Variants in PIEZO2 observed in about 807,000 individuals in gnomAD.
PIEZO2 encodes the protein piezo type mechanosensitive ion channel component 2.
In PIEZO2, 172 loss-of-function variants were observed where a neutral mutation model predicts 337.3. The ratio of observed to expected loss-of-function variants is 0.51; its 90% CI spans 0.45 to 0.58. The LOEUF (loss-of-function observed/expected upper bound fraction) is 0.58, where lower values mean the gene tolerates loss of function less well. Among genes scored for constraint, PIEZO2 ranks in the 20% least tolerant of loss-of-function variants. PIEZO2 has a pLI of 0.00. For synonymous variants in PIEZO2, 1,251 were observed against 1,228.5 expected (o/e 1.02, Z -0.38); for missense variants, 3,028 against 3,391.3 (o/e 0.89, Z 2.66).
chr18:10,801,298 G>T, intron 10 of PIEZO2, 92 bp downstream of exon 10: 2 of 1,118,790 alleles, frequency 1.8e-6, no homozygotes, highest in Non-Finnish European at 2.5e-6. Flanking sequence ...AATTTTAATA[G>T]ATCATTAAAA....
intron 2 of PIEZO2, among the ~76,000 whole-genome samples, chr18:11,051,362 TGTGTGTGG>T (rs1370719989): frequency 1.7e-4 from 26 of 151,514 alleles, no homozygotes; most frequent in Middle Eastern, 3.4e-3. Flanking sequence ...TGTGTGTGTG[TGTGTGTGG>T]GTGTGGGTGT....
Position 10,779,313 on chromosome 18 carries a change from T to C in PIEZO2, c.2534+1012A>G, listed in dbSNP as rs113265670. Among the ~76,000 whole-genome samples the C allele has an allele frequency of 8.3e-4, 126 of 152,372 alleles. 3 individuals carry two copies. The highest frequency in any genetic ancestry group is 2.9e-3 in the African/African-American group (119 of 41,584). On this transcript the variant is annotated intron_variant, in intron 18 of 55. Transcript: ENST00000674853. The stretch of plus-strand genomic sequence containing the variant: ...TTTGTTAATTGGATTTATTGCAAGA[T>C]ATATTTCTCTTACTAAATTACTAGC...
intron 33 of PIEZO2, chr18:10,737,803 T>A (rs2037068124): frequency 6.6e-6 from 1 of 152,242 alleles, no homozygotes; most frequent in Non-Finnish European, 1.5e-5. Flanking sequence ...ATTTTCAAAT[T>A]ATATTCAGGT....
intron 1 of PIEZO2, among the ~76,000 whole-genome samples, chr18:11,107,167 T>C (rs933255314): frequency 6.6e-6 from 1 of 152,142 alleles, no homozygotes; most frequent in South Asian, 2.1e-4. Context: ...TCTATAGAAA[T>C]GGTGCACATC....
rs1042475021 is a variant in PIEZO2 at position 11,104,661 on chromosome 18, C to T, written c.65-38439G>A. On this transcript the variant is annotated intron_variant, in intron 1 of 55. Coordinates refer to ENST00000674853, the MANE Select transcript of PIEZO2 (RefSeq NM_001378183.1). The surrounding 1 kb of genome is among the most constrained non-coding windows in gnomAD (Gnocchi z 4.6). ...CAGGGACAGCAGCTTTCTCAGCCTA[C>T]CTACAACAAAGAGGTCTGTGGCCCG... 3.3e-5 allele frequency among the ~76,000 whole-genome samples: 5 copies of T among 152,230 alleles called. No individual in the cohort carries two copies. Among genetic ancestry groups the T allele is most frequent in the Non-Finnish European group, 7.3e-5 (5 of 68,036 alleles).
intron 42 of PIEZO2, among the ~76,000 whole-genome samples, chr18:10,703,778 A>G (rs755387180): frequency 2.0e-5 from 3 of 152,196 alleles, no homozygotes; most frequent in Non-Finnish European, 4.4e-5. Context: ...GAGTGAGCAG[A>G]AGGCTCCTCA....
chr18:11,054,425 G>A (rs1242633342), intron 2 of PIEZO2, among the ~76,000 whole-genome samples: 1 of 152,192 alleles, frequency 6.6e-6, no homozygotes, highest in Non-Finnish European at 1.5e-5. Flanking sequence ...ACTAGAGTTA[G>A]TTTCATACGT....
chr18:10,719,633 C>T (rs1267614957), intron 36 of PIEZO2, among the ~76,000 whole-genome samples: 2 of 152,150 alleles, frequency 1.3e-5, no homozygotes. Flanking sequence ...CATATTTATG[C>T]TATTGTGAAT....
At position 10,726,394 on chromosome 18, in the gene PIEZO2, A is replaced by G; in HGVS notation, c.5029+5013T>C. On this transcript the variant is annotated intron_variant, in intron 36 of 55. Transcript: ENST00000674853. This position sits in a 1 kb window ranked among gnomAD's most constrained non-coding sequence, Gnocchi z 5.9. ...ACCCACTACCTGCGGGGCGGTAACA[A>G]CGCGCGCCAGCCGTGGCACAACGCG... The G allele has an allele frequency of 6.6e-7, 1 of 1,525,084 alleles. No individual in the cohort carries two copies. Among genetic ancestry groups the G allele is most frequent in the Admixed American group, 2.0e-5 (1 of 50,072 alleles). The allele number at this position is 1,525,084 out of a possible 1,614,324, so 94.5% of individuals were successfully genotyped here.
At chr18:10,842,627 C>T (rs1397071441) in intron 7 of PIEZO2, among the ~76,000 whole-genome samples, 3 of 152,200 alleles carry the variant, frequency 2.0e-5, no homozygotes, top group Admixed American at 1.3e-4. Flanking sequence ...TCTTGTACAG[C>T]CGGCAGAACT....
intron 18 of PIEZO2, among the ~76,000 whole-genome samples, chr18:10,776,714 A>G (rs1031029037): frequency 6.6e-6 from 1 of 152,228 alleles, no homozygotes; most frequent in African/African-American, 2.4e-5. Flanking sequence ...GGTTCTGCAC[A>G]AATGCAAGCT....
intron 17 of PIEZO2, among the ~76,000 whole-genome samples, chr18:10,780,741 C>T (rs1389358956): frequency 6.8e-6 from 1 of 146,990 alleles, no homozygotes. Flanking sequence ...TAGCTCATGG[C>T]AGCCTCCGCC....
At chr18:10,957,764 A>G (rs1184987789) in intron 3 of PIEZO2, among the ~76,000 whole-genome samples, 1 of 152,226 alleles carries the variant, frequency 6.6e-6, no homozygotes, top group Non-Finnish European at 1.5e-5. Context: ...TGCAAATCAT[A>G]CATCTGAAAA....
Position 10,784,660 on chromosome 18 carries a change from C to T in PIEZO2, c.2492+124G>A. On this transcript the variant is annotated intron_variant, in intron 17 of 55. Transcript: ENST00000674853. This position sits in a 1 kb window ranked among gnomAD's most constrained non-coding sequence, Gnocchi z 4.5. Reference sequence around the variant, plus strand: ...TTCCTCTTTTTCTCACAAGCTGATACTCATGGAAAATTCAAGGCTGAAACT... The same window carrying T: ...TTCCTCTTTTTCTCACAAGCTGATATTCATGGAAAATTCAAGGCTGAAACT... 4.3e-6 allele frequency: 4 copies of T among 926,572 alleles called. No homozygotes were observed. The highest frequency in any genetic ancestry group is 6.2e-6 in the Non-Finnish European group (4 of 646,142). The allele number at this position is 926,572 out of a possible 1,614,324, so 57.4% of individuals were successfully genotyped here.
chr18:10,786,896 C>T (rs1384026046), intron 16 of PIEZO2, 140 bp downstream of exon 16: 3 of 842,888 alleles, frequency 3.6e-6, no homozygotes, highest in African/African-American at 3.5e-5. Context: ...ACAAAAACGA[C>T]TCAGTTTTAA....
In PIEZO2 at chr18:11,111,730, A is replaced by C. The variant is rs2039743769; in HGVS notation, c.64+36795T>G. ...AACTGACACCGTCACACCCTCGGGG[A>C]ATCCGTAGCCAGGCACCAGTCTGCA... is the stretch of plus-strand genomic sequence containing the variant. On this transcript the variant is annotated intron_variant, in intron 1 of 55. Coordinates refer to ENST00000674853, the MANE Select transcript of PIEZO2 (RefSeq NM_001378183.1). This position sits in a 1 kb window ranked among gnomAD's most constrained non-coding sequence, Gnocchi z 6.2. Among the ~76,000 whole-genome samples, 1 of 152,242 alleles carries C rather than the reference A, an allele frequency of 6.6e-6. No homozygotes were observed. The highest frequency in any genetic ancestry group is 2.4e-5 in the African/African-American group (1 of 41,464).
intron 3 of PIEZO2, among the ~76,000 whole-genome samples, chr18:10,972,733 C>T (rs1000521723): frequency 5.9e-5 from 9 of 152,106 alleles, no homozygotes; most frequent in South Asian, 2.1e-4. Context: ...TGTGACTGTG[C>T]GTAATTTGGA....
At chr18:10,702,751 G>A (rs549174404) in intron 42 of PIEZO2, among the ~76,000 whole-genome samples, 3 of 152,330 alleles carry the variant, frequency 2.0e-5, no homozygotes, top group Admixed American at 6.5e-5. Flanking sequence ...CTGACACGGG[G>A]TTTGTATGAT....
chr18:10,800,001 A>G (rs1334898364), intron 11 of PIEZO2, among the ~76,000 whole-genome samples: 1 of 151,802 alleles, frequency 6.6e-6, no homozygotes, highest in East Asian at 1.9e-4. Flanking sequence ...TTCATATATT[A>G]ACCAGGAAAA....
Sources: allele counts gnomAD v4.1 joint callset (sites outside exome capture counted in the v4.1 genomes callset), GRCh38; gene constraint gnomAD v4.1.1; non-coding constraint Gnocchi (gnomAD v3.1); transcripts MANE v1.5; gene names NCBI Gene and HGNC (gene_info 2026-07-23, HGNC 2026-07-21).